The following VWDE variants were observed in gnomAD, a reference collection of about 807,000 sequenced individuals.
VWDE encodes von Willebrand factor D and EGF domain-containing protein.
VWDE carries 207 observed loss-of-function variants against 178.4 expected under a neutral mutation model. The observed-to-expected ratio is 1.16, with a 90% CI of 1.04 to 1.30. The LOEUF is 1.30. Among genes scored for constraint, VWDE ranks in the 50% most tolerant of loss-of-function variants. The pLI is 0.00. For missense variants in VWDE, 2,287 were observed against 1,901.3 expected (o/e 1.20, Z -3.77); for synonymous variants, 738 against 651.4 (o/e 1.13, Z -2.02).
intron 23 of VWDE, 98 bp downstream of exon 23, chr7:12,341,961 G>T: frequency 2.3e-6 from 2 of 879,102 alleles, no homozygotes; most frequent in Non-Finnish European, 3.6e-6. Flanking sequence ...TACCTGTCTT[G>T]TCAGGTCAGT....
rs1780704076 is a variant in VWDE, at chr7:12,331,212, A to G, written c.4759-15T>C. The G allele has an allele frequency of 6.5e-7, 1 of 1,540,424 alleles. No homozygotes were observed. On this transcript the variant is annotated splice_polypyrimidine_tract_variant and intron_variant, in intron 28 of 28. Transcript: ENST00000275358. ...TGGCGTCTTATCTGTAGTAGGAAGAAGGAAATTGTGTTTCAATGAATAGTA... is the reference window on the plus strand; with the variant it reads ...TGGCGTCTTATCTGTAGTAGGAAGAGGGAAATTGTGTTTCAATGAATAGTA...
At position 12,339,942 on chromosome 7, in the gene VWDE, G is replaced by T. The variant is rs141912877; in HGVS notation, c.4366+380C>A. Reference sequence around the variant, plus strand: ...ATGTTTAATGAAACTAAGGTGAAAAGAGATTATGGGATAATAGTGGACAGT... The same window carrying T: ...ATGTTTAATGAAACTAAGGTGAAAATAGATTATGGGATAATAGTGGACAGT... On this transcript the variant is annotated intron_variant, in intron 24 of 28. Transcript: ENST00000275358. Among the ~76,000 whole-genome samples, 185 of 152,188 alleles carry T rather than the reference G, an allele frequency of 1.2e-3. 1 individual carries two copies. The highest frequency in any genetic ancestry group is 4.2e-3 in the African/African-American group (174 of 41,514).
At chr7:12,340,199 T>G (rs951653687) in intron 24 of VWDE, 123 bp downstream of exon 24, 5 of 711,010 alleles carry the variant, frequency 7.0e-6, no homozygotes, top group East Asian at 2.8e-5. Context: ...ACTTGAAACA[T>G]CGCAAGAATT....
At chr7:12,342,013 T>G (rs955840610) in intron 23 of VWDE, 46 bp downstream of exon 23, 1 of 1,474,802 alleles carries the variant, frequency 6.8e-7, no homozygotes, top group Non-Finnish European at 9.3e-7. Flanking sequence ...ATTGGCATAT[T>G]TTAACTTTTA....
Position 12,370,330 on chromosome 7 carries a change from G to C in VWDE, c.1976C>G (p.Ser659Cys). 6.4e-7 allele frequency: 1 copy of C among 1,551,272 alleles called. No homozygotes were observed. The highest frequency in any genetic ancestry group is 8.7e-7 in the Non-Finnish European group (1 of 1,146,828). Residue 659 changes from serine to cysteine, a missense_variant, in exon 12 of 29, where the codon TCT (serine) becomes TGT (cysteine). Transcript: ENST00000275358. ...GACATCTAGTTCTGGTATCAAAGAAGATAAGCTGACATGATTGAGGTCTTT... is the reference window on the plus strand; with the variant it reads ...GACATCTAGTTCTGGTATCAAAGAACATAAGCTGACATGATTGAGGTCTTT... ...GCKDLNHVSLSSLIPELDVTS... is the reference protein window; with the variant it reads ...GCKDLNHVSLCSLIPELDVTS...
At chr7:12,401,985 A>G (rs897062340) in intron 1 of VWDE, among the ~76,000 whole-genome samples, 1 of 152,256 alleles carries the variant, frequency 6.6e-6, no homozygotes, top group Non-Finnish European at 1.5e-5. Context: ...ATACTGGTAC[A>G]TGCTACAAGA....
intron 19 of VWDE, among the ~76,000 whole-genome samples, chr7:12,349,666 A>T (rs73296585): frequency 0.028 from 4,202 of 151,996 alleles, 201 homozygotes; most frequent in African/African-American, 0.096. Context: ...ACAAATCAAT[A>T]AAAAAGGCAA....
intron 13 of VWDE, among the ~76,000 whole-genome samples, chr7:12,366,460 T>C (rs1298654861): frequency 6.6e-6 from 1 of 152,146 alleles, no homozygotes; most frequent in Non-Finnish European, 1.5e-5. Flanking sequence ...ACTATTACAA[T>C]GTCTATTCTC....
intron 24 of VWDE, among the ~76,000 whole-genome samples, chr7:12,340,065 T>C (rs79843920): frequency 0.019 from 2,833 of 152,296 alleles, 80 homozygotes; most frequent in African/African-American, 0.064. Context: ...ATCTGTTTCA[T>C]ACCTTGGGCC....
At chr7:12,360,302 T>C (rs1466140491) in intron 15 of VWDE, among the ~76,000 whole-genome samples, 2 of 152,154 alleles carry the variant, frequency 1.3e-5, no homozygotes, top group African/African-American at 4.8e-5. Context: ...TTACAAAATC[T>C]CCTTTAATAT....
Position 12,359,695 on chromosome 7 carries a change from A to G in VWDE, c.3160-3T>C. The G allele has an allele frequency of 2.6e-6, 4 of 1,523,244 alleles. No homozygotes were observed. The highest frequency in any genetic ancestry group is 3.5e-6 in the Non-Finnish European group (4 of 1,130,922). 94.4% of individuals were successfully genotyped at this position (1,523,244 alleles called of 1,614,324 possible). ...CCATCAATAATGCAAACATTTTCCTAATGGAAAATTTTTAAAAAAGAAAAC... is the reference window on the plus strand; with the variant it reads ...CCATCAATAATGCAAACATTTTCCTGATGGAAAATTTTTAAAAAAGAAAAC... On this transcript the variant is annotated splice_polypyrimidine_tract_variant and splice_region_variant and intron_variant, in intron 15 of 28. Transcript: ENST00000275358.
At chr7:12,331,409 C>T (rs1463061330) in intron 28 of VWDE, among the ~76,000 whole-genome samples, 1 of 152,264 alleles carries the variant, frequency 6.6e-6, no homozygotes, top group East Asian at 1.9e-4. Context: ...AGCTTGCATA[C>T]TAGGTGATTC....
intron 24 of VWDE, among the ~76,000 whole-genome samples, chr7:12,338,012 T>G (rs1013262319): frequency 1.4e-4 from 21 of 152,126 alleles, no homozygotes; most frequent in African/African-American, 5.1e-4. Flanking sequence ...AAATTTAATT[T>G]CTTCCTAAAT....
At chr7:12,379,437 A>T in intron 6 of VWDE, 40 bp downstream of exon 6, 1 of 1,415,540 alleles carries the variant, frequency 7.1e-7, no homozygotes, top group Non-Finnish European at 9.7e-7. Context: ...ACATAGTTCC[A>T]GAGGAATAAT....
chr7:12,361,535 G>C lies in VWDE; in HGVS notation c.2899-14C>G, dbSNP rs779729442. The C allele has an allele frequency of 2.7e-6, 4 of 1,494,400 alleles. No homozygotes were observed. Among genetic ancestry groups the C allele is most frequent in the Non-Finnish European group, 3.6e-6 (4 of 1,120,712 alleles). The allele number at this position is 1,494,400 out of a possible 1,614,324, so 92.6% of individuals were successfully genotyped here. Reference sequence around the variant, plus strand: ...ACTGCTATTATACTGAAGACATAGTGAGAAAAAAATTAACCTCTGTTAAAT... The same window carrying C: ...ACTGCTATTATACTGAAGACATAGTCAGAAAAAAATTAACCTCTGTTAAAT... On this transcript the variant is annotated splice_polypyrimidine_tract_variant and intron_variant, in intron 13 of 28. Transcript: ENST00000275358.
intron 19 of VWDE, among the ~76,000 whole-genome samples, chr7:12,347,489 A>C (rs541516348): frequency 1.3e-5 from 2 of 152,298 alleles, no homozygotes; most frequent in African/African-American, 2.4e-5. Context: ...AGATACTAAA[A>C]TGTAGTATAA....
intron 12 of VWDE, among the ~76,000 whole-genome samples, chr7:12,369,128 A>G (rs746835526): frequency 2.0e-5 from 3 of 152,180 alleles, no homozygotes; most frequent in Admixed American, 6.5e-5. Flanking sequence ...AACTATATAA[A>G]CACAGTGCTT....
intron 1 of VWDE, among the ~76,000 whole-genome samples, chr7:12,398,935 T>C (rs1178687666): frequency 6.6e-6 from 1 of 152,046 alleles, no homozygotes; most frequent in Non-Finnish European, 1.5e-5. Flanking sequence ...AAACTACCTA[T>C]TGGGTACTAT....
intron 1 of VWDE, among the ~76,000 whole-genome samples, chr7:12,397,925 G>A (rs760915761): frequency 2.6e-5 from 4 of 152,164 alleles, no homozygotes; most frequent in Admixed American, 1.3e-4. Context: ...TGTCACTGAC[G>A]CTGTGGGGAA....
Sources: gnomAD v4.1 joint callset for allele counts (sites outside exome capture counted in the v4.1 genomes callset) on GRCh38, gnomAD v4.1.1 for gene constraint, MANE v1.5 for transcripts, NCBI Gene and HGNC (gene_info 2026-07-23, HGNC 2026-07-21) for gene names.